XKR4: variants seen among roughly 807,000 people sequenced by gnomAD.
The protein encoded by XKR4 is XK-related protein 4.
XKR4 carries 12 observed loss-of-function variants against 53.9 expected under a neutral mutation model. That is an observed-to-expected ratio of 0.22 (90% confidence interval 0.14 to 0.36). XKR4 has a LOEUF of 0.36. Among genes scored for constraint, XKR4 ranks in the 10% least tolerant of loss-of-function variants. The pLI is 1.00. For missense variants in XKR4, 799 were observed against 859.5 expected (o/e 0.93, Z 0.88); for synonymous variants, 354 against 362.4 (o/e 0.98, Z 0.26).
chr8:55,466,174 A>C (rs1345754092), intron 2 of XKR4, among the ~76,000 whole-genome samples: 1 of 152,298 alleles, frequency 6.6e-6, no homozygotes, highest in Non-Finnish European at 1.5e-5. Flanking sequence ...GCTGCTATAA[A>C]GACACATGCA....
chr8:55,402,806 T>G (rs966865797), intron 2 of XKR4, among the ~76,000 whole-genome samples: 9 of 152,068 alleles, frequency 5.9e-5, no homozygotes, highest in South Asian at 2.1e-4. Context: ...CACGGGCAGG[T>G]TCACAAGCTG....
chr8:55,384,886 G>C (rs1804287591), intron 2 of XKR4, among the ~76,000 whole-genome samples: 1 of 152,180 alleles, frequency 6.6e-6, no homozygotes, highest in East Asian at 1.9e-4. Flanking sequence ...ACCCAAAACA[G>C]GTTCCATGGA....
chr8:55,337,312 G>C (rs1401113843), intron 1 of XKR4, among the ~76,000 whole-genome samples: 1 of 152,194 alleles, frequency 6.6e-6, no homozygotes, highest in Non-Finnish European at 1.5e-5. Flanking sequence ...CATTAATCAA[G>C]TCATGGGGTT....
chr8:55,168,245 G>A (rs1817097523), intron 1 of XKR4, among the ~76,000 whole-genome samples: 1 of 152,152 alleles, frequency 6.6e-6, no homozygotes, highest in Non-Finnish European at 1.5e-5. Context: ...GGGACCCTGA[G>A]TAGAAGAGCT....
intron 1 of XKR4, among the ~76,000 whole-genome samples, chr8:55,234,414 C>A (rs1221323579): frequency 1.3e-5 from 2 of 152,142 alleles, no homozygotes; most frequent in African/African-American, 4.8e-5. Flanking sequence ...ATAGAAAATG[C>A]ATAGCTTTTT....
intron 2 of XKR4, among the ~76,000 whole-genome samples, chr8:55,392,909 A>T (rs969070589): frequency 2.6e-5 from 4 of 152,202 alleles, no homozygotes; most frequent in Non-Finnish European, 5.9e-5. Flanking sequence ...GAAAGTTGGC[A>T]ATTAAAAGTT....
At chr8:55,188,576 C>T (rs912761063) in intron 1 of XKR4, among the ~76,000 whole-genome samples, 2 of 152,196 alleles carry the variant, frequency 1.3e-5, no homozygotes, top group Non-Finnish European at 2.9e-5. Flanking sequence ...TCTGAAGTGT[C>T]TCCTTTGAAA....
At chr8:55,386,341 T>A (rs1386439143) in intron 2 of XKR4, among the ~76,000 whole-genome samples, 1 of 152,202 alleles carries the variant, frequency 6.6e-6, no homozygotes, top group Non-Finnish European at 1.5e-5. Flanking sequence ...CAAAGGGAGT[T>A]CTGGCCCTGA....
intron 1 of XKR4, among the ~76,000 whole-genome samples, chr8:55,132,321 T>TC (rs952948077): frequency 2.0e-5 from 3 of 152,114 alleles, no homozygotes; most frequent in Admixed American, 6.5e-5. Context: ...TGTATAGTTG[T>TC]CCCCCCTTAT....
At chr8:55,224,557 G>T (rs945409855) in intron 1 of XKR4, among the ~76,000 whole-genome samples, 1 of 152,090 alleles carries the variant, frequency 6.6e-6, no homozygotes, top group African/African-American at 2.4e-5. Context: ...TTTAAAAATA[G>T]AACTTCCAAA....
At chr8:55,264,813 A>G (rs2129371576) in intron 1 of XKR4, among the ~76,000 whole-genome samples, 1 of 152,304 alleles carries the variant, frequency 6.6e-6, no homozygotes, top group Non-Finnish European at 1.5e-5. Flanking sequence ...TCTACACAAA[A>G]CATAGACAGA....
At chr8:55,324,433 G>T (rs189343269) in intron 1 of XKR4, among the ~76,000 whole-genome samples, 3 of 152,226 alleles carry the variant, frequency 2.0e-5, no homozygotes, top group Admixed American at 2.0e-4. Context: ...ACATTTTCCT[G>T]GTTCTTGAAT....
intron 1 of XKR4, among the ~76,000 whole-genome samples, chr8:55,275,094 T>A (rs1025901540): frequency 6.6e-6 from 1 of 152,198 alleles, no homozygotes; most frequent in Non-Finnish European, 1.5e-5. Flanking sequence ...AAATGAAACA[T>A]CTGTACAAAA....
At chr8:55,453,527 C>A in intron 2 of XKR4, 1 of 382,036 alleles carries the variant, frequency 2.6e-6, no homozygotes, top group African/African-American at 2.1e-5. Context: ...CAGCCTGCTG[C>A]ACCCATCCAG....
At chr8:55,313,638 G>C (rs561936560) in intron 1 of XKR4, among the ~76,000 whole-genome samples, 3 of 152,184 alleles carry the variant, frequency 2.0e-5, no homozygotes, top group Admixed American at 6.5e-5. Context: ...AAGAAATAAA[G>C]GTTAAAATGA....
chr8:55,220,084 A>G (rs1028085536), intron 1 of XKR4, among the ~76,000 whole-genome samples: 1 of 152,200 alleles, frequency 6.6e-6, no homozygotes, highest in Admixed American at 6.5e-5. Flanking sequence ...TGCAAAAACA[A>G]TGAGAAATTG....
At chr8:55,434,493 T>C (rs1455795643) in intron 2 of XKR4, among the ~76,000 whole-genome samples, 3 of 151,586 alleles carry the variant, frequency 2.0e-5, no homozygotes, top group Admixed American at 2.0e-4. Flanking sequence ...TTGGATAAAA[T>C]CCAATCACAG....
intron 1 of XKR4, among the ~76,000 whole-genome samples, chr8:55,289,376 G>A (rs376856672): frequency 2.6e-5 from 4 of 151,548 alleles, no homozygotes; most frequent in African/African-American, 4.9e-5. Context: ...TTAGCTGGTC[G>A]TGGTGGTGGG....
intron 1 of XKR4, among the ~76,000 whole-genome samples, chr8:55,274,177 A>G (rs756392413): frequency 3.3e-5 from 5 of 152,226 alleles, no homozygotes; most frequent in Middle Eastern, 3.2e-3. Context: ...CAGTGTCTCT[A>G]TCACTAATAA....
Sources: allele counts gnomAD v4.1 joint callset (sites outside exome capture counted in the v4.1 genomes callset), GRCh38; gene constraint gnomAD v4.1.1; transcripts MANE v1.5; gene names NCBI Gene and HGNC (gene_info 2026-07-23, HGNC 2026-07-21).